The following IGFL2 variants were observed in gnomAD, a reference collection of about 807,000 sequenced individuals.
IGFL2 encodes IGF like family member 2, also known as insulin growth factor-like family member 2.
In IGFL2, 7 loss-of-function variants were observed where a neutral mutation model predicts 13.9. The observed-to-expected ratio is 0.51, with a 90% confidence interval of 0.29 to 0.95. IGFL2 has a LOEUF of 0.95. Among genes scored for constraint, IGFL2 ranks in the 40% least tolerant of loss-of-function variants. IGFL2 has a pLI of 0.08. For missense variants in IGFL2, 138 were observed against 147.8 expected, an observed-to-expected ratio of 0.93 and a Z score of 0.34; for synonymous variants, 55 against 55.8, an observed-to-expected ratio of 0.99 and a Z score of 0.07.
chr19:46,103,449 A>G, the IGFL2 span, among the ~76,000 whole-genome samples: 1 of 152,176 alleles, frequency 6.6e-6, no homozygotes, highest in Non-Finnish European at 1.5e-5. Context: ...GAGTGAGTGT[A>G]AAAGTAAAGA....
chr19:46,168,386 C>T, the IGFL2 span, among the ~76,000 whole-genome samples: 1 of 152,148 alleles, frequency 6.6e-6, no homozygotes, highest in Admixed American at 6.6e-5. Flanking sequence ...GAGAAAAGAA[C>T]TTTTATCTAA....
the IGFL2 span, among the ~76,000 whole-genome samples, chr19:46,169,867 A>G: frequency 7.9e-6 from 1 of 126,518 alleles, no homozygotes; most frequent in Non-Finnish European, 1.7e-5. Context: ...AAAAAAAAAA[A>G]ATGGAGATAA....
chr19:46,114,582 T>C, the IGFL2 span, among the ~76,000 whole-genome samples: 2 of 152,162 alleles, frequency 1.3e-5, no homozygotes, highest in Non-Finnish European at 2.9e-5. Flanking sequence ...TGGGAGGTGA[T>C]TGGATCATGG....
the IGFL2 span, among the ~76,000 whole-genome samples, chr19:46,181,975 C>T: frequency 2.0e-5 from 3 of 152,146 alleles, no homozygotes; most frequent in Non-Finnish European, 4.4e-5. Context: ...TTTAGCATCT[C>T]CTATAATACA....
the IGFL2 span, among the ~76,000 whole-genome samples, chr19:46,188,923 G>A: frequency 0.014 from 2,141 of 152,350 alleles, 56 homozygotes; most frequent in African/African-American, 0.047. Context: ...TCCACAGTGG[G>A]ATAGAGAGTC....
chr19:46,146,043 A>T (rs536074892), upstream of IGFL2, among the ~76,000 whole-genome samples: 1 of 152,162 alleles, frequency 6.6e-6, no homozygotes, highest in Admixed American at 6.5e-5. Context: ...CTTTTCCCAG[A>T]TATAAATGTT....
At chr19:46,213,628 A>G in the IGFL2 span, 1 of 153,868 alleles carries the variant, frequency 6.5e-6, no homozygotes, top group Non-Finnish European at 1.5e-5. Context: ...GCTCACAGCA[A>G]TTCCCCATCC....
the IGFL2 span, among the ~76,000 whole-genome samples, chr19:46,102,842 G>A: frequency 6.6e-6 from 1 of 152,136 alleles, no homozygotes; most frequent in Non-Finnish European, 1.5e-5. Context: ...GTGGTATGGA[G>A]AGATAATGGG....
the IGFL2 span, among the ~76,000 whole-genome samples, chr19:46,089,322 T>C: frequency 9.8e-5 from 15 of 152,364 alleles, no homozygotes; most frequent in Admixed American, 9.8e-4. Flanking sequence ...TACATCTTTT[T>C]ATGTCGCATA....
At chr19:46,175,732 G>A in the IGFL2 span, among the ~76,000 whole-genome samples, 1 of 151,316 alleles carries the variant, frequency 6.6e-6, no homozygotes, top group African/African-American at 2.4e-5. Context: ...GTAGAGACGG[G>A]GTTTCACCAT....
chr19:46,137,173 G>C, the IGFL2 span: 1 of 1,606,980 alleles, frequency 6.2e-7, no homozygotes, highest in Non-Finnish European at 8.5e-7. Flanking sequence ...TGAAGTTTTT[G>C]ATGCCCATCA....
At chr19:46,136,908 A>T in the IGFL2 span, 1 of 868,178 alleles carries the variant, frequency 1.2e-6, no homozygotes, top group Non-Finnish European at 2.0e-6. Flanking sequence ...AGATTTACAC[A>T]TGTCCTCTGG....
chr19:46,148,870 A>G (rs1973285499), intron 1 of IGFL2: 5 of 1,529,410 alleles, frequency 3.3e-6, no homozygotes, highest in African/African-American at 2.8e-5. Context: ...AGTGGAGACT[A>G]GATCTGCAAT....
the IGFL2 span, among the ~76,000 whole-genome samples, chr19:46,091,153 G>A: frequency 6.6e-6 from 1 of 152,072 alleles, no homozygotes; most frequent in African/African-American, 2.4e-5. Context: ...TGATGTTTCC[G>A]TGTGGGCAAT....
At chr19:46,192,603 A>G in the IGFL2 span, among the ~76,000 whole-genome samples, 1 of 151,854 alleles carries the variant, frequency 6.6e-6, no homozygotes, top group Non-Finnish European at 1.5e-5. Flanking sequence ...TATTTTTAGT[A>G]GAGACAGGGG....
At chr19:46,154,016 T>A (rs1973668416) in intron 1 of IGFL2, among the ~76,000 whole-genome samples, 1 of 151,906 alleles carries the variant, frequency 6.6e-6, no homozygotes, top group Non-Finnish European at 1.5e-5. Context: ...GGCCCCTGGG[T>A]GTGATGTTCC....
At chr19:46,167,695 G>A in the IGFL2 span, among the ~76,000 whole-genome samples, 45 of 152,194 alleles carry the variant, frequency 3.0e-4, no homozygotes, top group African/African-American at 9.9e-4. Flanking sequence ...AGCTGTAATT[G>A]AATGTGGAGC....
the IGFL2 span, chr19:46,208,309 C>G: frequency 6.6e-6 from 1 of 152,238 alleles, no homozygotes. Context: ...GATAGAGTCT[C>G]CCATGCCTGC....
At chr19:46,079,050 A>C in the IGFL2 span, among the ~76,000 whole-genome samples, 1 of 73,498 alleles carries the variant, frequency 1.4e-5, no homozygotes, top group Non-Finnish European at 2.7e-5. Context: ...GACATCGCGC[A>C]GGCGTCGTCA....
Sources: gnomAD v4.1 joint callset for allele counts (sites outside exome capture counted in the v4.1 genomes callset) on GRCh38, gnomAD v4.1.1 for gene constraint, MANE v1.5 for transcripts, NCBI Gene and HGNC (gene_info 2026-07-23, HGNC 2026-07-21) for gene names.